Variants in SETD3 observed in about 807,000 individuals in gnomAD.
The protein encoded by SETD3 is SET domain containing 3, actin N3(tau)-histidine methyltransferase.
SETD3 carries 19 observed loss-of-function variants against 63.0 expected under a neutral mutation model. That is an observed-to-expected ratio of 0.30 (90% confidence interval 0.21 to 0.44). The LOEUF (loss-of-function observed/expected upper bound fraction) is 0.44, where lower values mean the gene tolerates loss of function less well. Ranked by LOEUF, SETD3 falls within the 20% of genes least tolerant of loss-of-function variation. The pLI is 1.00. For missense variants in SETD3, 587 were observed against 728.5 expected (o/e 0.81, Z 2.24); for synonymous variants, 286 against 264.1 (o/e 1.08, Z -0.80).
chr14:99,461,291 T>G lies in SETD3; in HGVS notation c.246A>C (p.Leu82=). Residue 82 remains leucine, a synonymous_variant, in exon 4 of 13, where the codon CTA becomes CTC. Coordinates refer to ENST00000331768, the MANE Select transcript of SETD3 (RefSeq NM_032233.3). ...CCCCATTTTCAGAGGCCCATTTCAT[T>G]AGATCAGGAAAGTAATCTTCTCTTT... ...DGKREDYFPD[L]MKWASENGAS... is the part of the protein sequence containing the mutation. 6.2e-7 allele frequency: 1 copy of G among 1,614,200 alleles called. No individual in the cohort carries two copies. The highest frequency in any genetic ancestry group is 1.1e-5 in the South Asian group (1 of 91,084).
chr14:99,410,653 C>T (rs926501441), intron 8 of SETD3, among the ~76,000 whole-genome samples: 18 of 152,262 alleles, frequency 1.2e-4, no homozygotes, highest in East Asian at 3.8e-4. Flanking sequence ...CTTAGTACCA[C>T]ACCTTATAAC....
At chr14:99,472,742 A>G (rs904081117) in intron 1 of SETD3, among the ~76,000 whole-genome samples, 1 of 152,250 alleles carries the variant, frequency 6.6e-6, no homozygotes, top group African/African-American at 2.4e-5. Flanking sequence ...TGCTAACTCA[A>G]AAATTTTTTT....
At chr14:99,451,798 C>T (rs1894478005) in intron 6 of SETD3, among the ~76,000 whole-genome samples, 1 of 152,228 alleles carries the variant, frequency 6.6e-6, no homozygotes, top group East Asian at 1.9e-4. Context: ...TGAGCCACCG[C>T]ACCTGGCCCA....
At chr14:99,448,569 C>T (rs1251391576) in intron 6 of SETD3, among the ~76,000 whole-genome samples, 6 of 152,144 alleles carry the variant, frequency 3.9e-5, no homozygotes, top group Non-Finnish European at 8.8e-5. Context: ...TACCCAGTTC[C>T]CATGACCATA....
intron 6 of SETD3, among the ~76,000 whole-genome samples, chr14:99,446,460 C>T (rs1179232020): frequency 1.3e-5 from 2 of 152,146 alleles, no homozygotes; most frequent in East Asian, 1.9e-4. Flanking sequence ...CAGCCCACAG[C>T]GGGCATTGCC....
intron 1 of SETD3, among the ~76,000 whole-genome samples, chr14:99,478,284 C>T (rs1202574578): frequency 6.6e-6 from 1 of 152,178 alleles, no homozygotes; most frequent in Admixed American, 6.5e-5. Flanking sequence ...TTTGAGGGAA[C>T]AAAGTCACCA....
At chr14:99,408,910 T>A (rs1412020591) in intron 8 of SETD3, among the ~76,000 whole-genome samples, 1 of 152,100 alleles carries the variant, frequency 6.6e-6, no homozygotes. Flanking sequence ...CCTCCCAGGG[T>A]GGGCCTGCAG....
intron 6 of SETD3, among the ~76,000 whole-genome samples, chr14:99,422,872 T>C (rs1319170127): frequency 6.6e-6 from 1 of 152,150 alleles, no homozygotes; most frequent in Non-Finnish European, 1.5e-5. Context: ...AAAGGCTCAG[T>C]GTGCGGCTCT....
intron 1 of SETD3, among the ~76,000 whole-genome samples, chr14:99,467,194 G>T (rs1483568444): frequency 6.6e-6 from 1 of 152,126 alleles, no homozygotes; most frequent in African/African-American, 2.4e-5. Context: ...AATATAATAA[G>T]TCTTCTAAAA....
rs556844662 is a variant in SETD3 at position 99,450,791 on chromosome 14, A to T, written c.675+7488T>A. 5.9e-5 allele frequency among the ~76,000 whole-genome samples: 9 copies of T among 152,362 alleles called. No individual in the cohort carries two copies. In the East Asian group the frequency reaches 1.7e-3, roughly 29 times the overall value. On this transcript the variant is annotated intron_variant, in intron 6 of 12. Coordinates refer to ENST00000331768, the MANE Select transcript of SETD3 (RefSeq NM_032233.3). ...TGTGACAAATCACTTAAGTGATGAG[A>T]TCAACTGAAAAATAGTAGTAATAAA...
chr14:99,419,754 G>T (rs1304110137), intron 6 of SETD3, among the ~76,000 whole-genome samples: 2 of 145,354 alleles, frequency 1.4e-5, no homozygotes, highest in Non-Finnish European at 3.0e-5. Context: ...CAGCCTGGGC[G>T]ACAGAGCGAG....
intron 6 of SETD3, among the ~76,000 whole-genome samples, chr14:99,431,539 T>C (rs969803147): frequency 6.6e-6 from 1 of 152,102 alleles, no homozygotes; most frequent in Non-Finnish European, 1.5e-5. Flanking sequence ...TTGCCCAGGC[T>C]GGAGTGCAGT....
At chr14:99,418,702 AC>A (rs1198981380) in intron 6 of SETD3, among the ~76,000 whole-genome samples, 1 of 152,006 alleles carries the variant, frequency 6.6e-6, no homozygotes. Flanking sequence ...GCCTATAGAG[AC>A]CCCCTTCCTC....
intron 1 of SETD3, among the ~76,000 whole-genome samples, chr14:99,473,418 AAGGAT>A (rs1332336404): frequency 2.6e-5 from 4 of 152,228 alleles, no homozygotes; most frequent in African/African-American, 9.6e-5. Context: ...TCTAAATGGA[AAGGAT>A]ATTTATTTGT....
chr14:99,471,618 C>G (rs1895710933), intron 1 of SETD3, among the ~76,000 whole-genome samples: 1 of 152,070 alleles, frequency 6.6e-6, no homozygotes, highest in African/African-American at 2.4e-5. Flanking sequence ...TGGGCTGGAG[C>G]CTGGGTAACA....
chr14:99,433,753 G>A (rs1893314096), intron 6 of SETD3, among the ~76,000 whole-genome samples: 1 of 152,158 alleles, frequency 6.6e-6, no homozygotes, highest in South Asian at 2.1e-4. Flanking sequence ...ATTCTTTAAT[G>A]AGCGTAACAT....
chr14:99,472,909 C>T (rs935621489), intron 1 of SETD3, among the ~76,000 whole-genome samples: 9 of 152,098 alleles, frequency 5.9e-5, no homozygotes, highest in African/African-American at 2.2e-4. Flanking sequence ...ATGAATTATA[C>T]AATTATAGTT....
At chr14:99,417,747 C>T (rs1892359117) in intron 6 of SETD3, among the ~76,000 whole-genome samples, 5 of 152,196 alleles carry the variant, frequency 3.3e-5, no homozygotes, top group African/African-American at 1.2e-4. Flanking sequence ...GAACAAAATA[C>T]ATTTGCGTTA....
In SETD3 at chr14:99,407,514, T is replaced by G. The variant is rs187668633; in HGVS notation, c.850-924A>C. Among the ~76,000 whole-genome samples the G allele has an allele frequency of 1.3e-3, 193 of 152,334 alleles. 1 individual carries two copies. Among genetic ancestry groups the G allele is most frequent in the African/African-American group, 3.8e-3 (159 of 41,572 alleles). ...ACTGTCCTTCTGGAGTTGCTAATTG[T>G]ACGATGTCACTCTCCTGTTCAAAAT... On this transcript the variant is annotated intron_variant, in intron 8 of 12. Transcript: ENST00000331768.
Sources: allele counts gnomAD v4.1 joint callset (sites outside exome capture counted in the v4.1 genomes callset), GRCh38; gene constraint gnomAD v4.1.1; transcripts MANE v1.5; gene names NCBI Gene and HGNC (gene_info 2026-07-23, HGNC 2026-07-21).